KIF1A: variants seen among roughly 807,000 people sequenced by gnomAD.
KIF1A encodes kinesin family member 1A, also known as kinesin-like protein KIF1A.
Under a neutral mutation model 227.3 loss-of-function variants are expected in KIF1A, and 46 were observed. That is an observed-to-expected ratio of 0.20 (90% CI 0.16 to 0.26). The LOEUF is 0.26. Ranked by LOEUF, KIF1A falls within the 10% of genes least tolerant of loss-of-function variation. The pLI, the probability that KIF1A is intolerant of heterozygous loss-of-function variation, is 1.00. For synonymous variants in KIF1A, 1,022 were observed against 1,012.8 expected (o/e 1.01, Z -0.17); for missense variants, 1,683 against 2,485.9 (o/e 0.68, Z 6.87).
At chr2:240,750,636 C>T in intron 27 of KIF1A, 89 bp from the exon 28 acceptor site, 3 of 937,686 alleles carry the variant, frequency 3.2e-6, no homozygotes, top group Non-Finnish European at 5.0e-6. Flanking sequence ...GCTCACGACA[C>T]AACATGGAGC....
At chr2:240,809,748 A>C (rs1274569007) in intron 1 of KIF1A, among the ~76,000 whole-genome samples, 1 of 149,066 alleles carries the variant, frequency 6.7e-6, no homozygotes, top group Non-Finnish European at 1.5e-5. Context: ...GGCTCGCTGC[A>C]ACCTCTGCCA....
chr2:240,782,741 C>T, intron 9 of KIF1A, 134 bp from the exon 10 acceptor site: 5 of 937,570 alleles, frequency 5.3e-6, no homozygotes, highest in Non-Finnish European at 1.7e-6. Context: ...GTCTCCTAGA[C>T]AGCAGCTCCC....
intron 1 of KIF1A, among the ~76,000 whole-genome samples, chr2:240,808,287 G>A (rs1415297494): frequency 1.3e-5 from 2 of 152,126 alleles, no homozygotes; most frequent in African/African-American, 4.8e-5. Context: ...AATTAGGAAG[G>A]TTCAATAAGG....
At chr2:240,770,673 C>T (rs1194069742) in intron 15 of KIF1A, among the ~76,000 whole-genome samples, 4 of 152,234 alleles carry the variant, frequency 2.6e-5, no homozygotes, top group Non-Finnish European at 5.9e-5. Flanking sequence ...GGTAGGGGCA[C>T]AGGCCATCCA....
At position 240,740,413 on chromosome 2, in the gene KIF1A, C is replaced by A. The variant is rs1343654948; in HGVS notation, c.3750-49G>T. On this transcript the variant is annotated intron_variant, in intron 35 of 48. Transcript: ENST00000498729. This position sits in a 1 kb window ranked among gnomAD's most constrained non-coding sequence, Gnocchi z 6.1. ...GGAGCGGCCAGCCCCTCCTCTCTGC[C>A]CTCCCCGCAGCACAGGACACAGTGG... The A allele has an allele frequency of 1.3e-6, 2 of 1,500,312 alleles. No individual in the cohort carries two copies. The highest frequency in any genetic ancestry group is 1.1e-5 in the South Asian group (1 of 88,258). The allele number at this position is 1,500,312 out of a possible 1,614,324, so 92.9% of individuals were successfully genotyped here. A position where few individuals can be genotyped will look rare whatever the true frequency, so the allele number is the denominator to read the frequency against.
At chr2:240,720,184 C>T in intron 45 of KIF1A, 1 of 394,518 alleles carries the variant, frequency 2.5e-6, no homozygotes, top group Non-Finnish European at 4.5e-6. Flanking sequence ...GAGCCTGTGC[C>T]CCACTCCACG....
intron 2 of KIF1A, among the ~76,000 whole-genome samples, chr2:240,795,402 G>A (rs527984622): frequency 6.6e-6 from 1 of 152,328 alleles, no homozygotes; most frequent in South Asian, 2.1e-4. Context: ...CCTAAGCCGT[G>A]GGGTAAAGCT....
At position 240,725,027 on chromosome 2, in the gene KIF1A, C is replaced by T. The variant is rs1489492720; in HGVS notation, c.4256+244G>A. Among the ~76,000 whole-genome samples the T allele has an allele frequency of 6.7e-6, 1 of 150,150 alleles. No individual in the cohort carries two copies. Among genetic ancestry groups the T allele is most frequent in the African/African-American group, 2.5e-5 (1 of 40,750 alleles). ...GGCCTGCCCCTCCTCCCATCCGCTG[C>T]AGGCTGGCCCTCAAGTCCCTCATAG... is the stretch of plus-strand genomic sequence containing the variant. On this transcript the variant is annotated intron_variant, in intron 40 of 48. Transcript: ENST00000498729. The surrounding 1 kb of genome is among the most constrained non-coding windows in gnomAD (Gnocchi z 5.8).
At chr2:240,773,671 T>C (rs774387839) in intron 12 of KIF1A, among the ~76,000 whole-genome samples, 17 of 152,310 alleles carry the variant, frequency 1.1e-4, no homozygotes, top group Non-Finnish European at 1.3e-4. Context: ...CGTTTCCAGC[T>C]AGTACATGAA....
chr2:240,769,239 C>T (rs372913224), intron 16 of KIF1A, 31 bp from the exon 17 acceptor site: 2 of 1,578,830 alleles, frequency 1.3e-6, no homozygotes, highest in South Asian at 2.3e-5. Context: ...TCAGCACAAG[C>T]TCCACAAGGC....
chr2:240,777,023 T>C (rs1411881691), intron 10 of KIF1A, among the ~76,000 whole-genome samples: 1 of 152,154 alleles, frequency 6.6e-6, no homozygotes, highest in Admixed American at 6.5e-5. Context: ...TCTACTCTAT[T>C]TCTAGTTTTT....
At chr2:240,771,310 C>G (rs1443304232) in intron 14 of KIF1A, 1 of 669,972 alleles carries the variant, frequency 1.5e-6, no homozygotes, top group African/African-American at 1.8e-5. Context: ...CACAGCAGCC[C>G]TGCCAGGCCC....
At chr2:240,796,307 G>A (rs967322429) in intron 2 of KIF1A, among the ~76,000 whole-genome samples, 1 of 152,220 alleles carries the variant, frequency 6.6e-6, no homozygotes, top group African/African-American at 2.4e-5. Context: ...ACCACAAAAG[G>A]CCAGGGCTGC....
chr2:240,800,997 CTTTT>C (rs1369460810), intron 1 of KIF1A, among the ~76,000 whole-genome samples: 5 of 151,312 alleles, frequency 3.3e-5, no homozygotes, highest in Non-Finnish European at 5.9e-5. Context: ...CCTCTACACT[CTTTT>C]ATTTTTATTT....
chr2:240,788,980 A>T lies in KIF1A; in HGVS notation c.183+256T>A, dbSNP rs2055299588. On this transcript the variant is annotated intron_variant, in intron 3 of 48. Transcript: ENST00000498729. The surrounding 1 kb of genome is among the most constrained non-coding windows in gnomAD (Gnocchi z 6.6). ...TCTGACTTTGGGATGTCTGGGGGAA[A>T]AGTCACCAGCAGATGGACGTACACA... Among the ~76,000 whole-genome samples, 2 of 152,066 alleles carry T rather than the reference A, an allele frequency of 1.3e-5. No homozygotes were observed. The highest frequency in any genetic ancestry group is 4.2e-4 in the South Asian group (2 of 4,808).
At chr2:240,727,229 C>T (rs977459109) in intron 38 of KIF1A, among the ~76,000 whole-genome samples, 6 of 151,926 alleles carry the variant, frequency 3.9e-5, no homozygotes, top group Non-Finnish European at 5.9e-5. Context: ...GGAGAGGAGG[C>T]GGCAGGGAAT....
chr2:240,739,959 C>A lies in KIF1A; in HGVS notation c.3901+99G>T, dbSNP rs867111157. ...CCGGCCAGGGTCACGCAGCAACAGA[C>A]GCAGAGGTGTGGTTAGAACCCGGGT... On this transcript the variant is annotated intron_variant, in intron 37 of 48. Coordinates refer to ENST00000498729, the MANE Select transcript of KIF1A (RefSeq NM_001244008.2). The surrounding 1 kb of genome is among the most constrained non-coding windows in gnomAD (Gnocchi z 5.6). 3.5e-6 allele frequency: 3 copies of A among 867,488 alleles called. No homozygotes were observed. The highest frequency in any genetic ancestry group is 3.3e-5 in the African/African-American group (2 of 60,052). 53.7% of individuals were successfully genotyped at this position (867,488 alleles called of 1,614,324 possible).
In KIF1A at chr2:240,789,822, G is replaced by C. The variant is rs1421433597; in HGVS notation, c.107-510C>G. ...TGCTACTCCAGACAGAGCTCTATGG[G>C]ACTGTCTTCTGCCAGAGTCCCTCCT... On this transcript the variant is annotated intron_variant, in intron 2 of 48. Coordinates refer to ENST00000498729, the MANE Select transcript of KIF1A (RefSeq NM_001244008.2). This position sits in a 1 kb window ranked among gnomAD's most constrained non-coding sequence, Gnocchi z 4.8. Among the ~76,000 whole-genome samples, 1 of 152,074 alleles carries C rather than the reference G, an allele frequency of 6.6e-6. No individual in the cohort carries two copies. The highest frequency in any genetic ancestry group is 1.5e-5 in the Non-Finnish European group (1 of 68,016).
intron 23 of KIF1A, 145 bp from the exon 24 acceptor site, chr2:240,761,522 GT>G: frequency 1.5e-6 from 1 of 663,106 alleles, no homozygotes; most frequent in Non-Finnish European, 2.3e-6. Flanking sequence ...CGGCCGGGTG[GT>G]TATCAGGTAA....
Sources: gnomAD v4.1 joint callset for allele counts (sites outside exome capture counted in the v4.1 genomes callset) on GRCh38, gnomAD v4.1.1 for gene constraint, Gnocchi (gnomAD v3.1) non-coding constraint, MANE v1.5 for transcripts, NCBI Gene and HGNC (gene_info 2026-07-23, HGNC 2026-07-21) for gene names.